CERS6: variants seen among roughly 807,000 people sequenced by gnomAD.
CERS6 encodes the protein LAG1 homolog, ceramide synthase 6.
A neutral mutation model predicts 56.8 loss-of-function variants in CERS6; 26 were observed. The observed-to-expected ratio is 0.46, with a 90% CI of 0.34 to 0.63. CERS6 has a LOEUF of 0.63. Among genes scored for constraint, CERS6 ranks in the 30% least tolerant of loss-of-function variants. CERS6 has a pLI of 0.01. For missense variants in CERS6, 415 were observed against 467.5 expected, an observed-to-expected ratio of 0.89 and a Z score of 1.04; for synonymous variants, 164 against 173.3, an observed-to-expected ratio of 0.95 and a Z score of 0.42.
At chr2:168,516,115 C>T (rs150708778) in intron 1 of CERS6, among the ~76,000 whole-genome samples, 16 of 152,288 alleles carry the variant, frequency 1.1e-4, no homozygotes, top group African/African-American at 3.1e-4. Flanking sequence ...AAACCACTTA[C>T]ATTTTCCTTG....
chr2:168,456,983 A>T lies in CERS6; in HGVS notation c.170+365A>T, dbSNP rs528313689. On this transcript the variant is annotated intron_variant, in intron 1 of 9. Coordinates refer to ENST00000305747, the MANE Select transcript of CERS6 (RefSeq NM_203463.3). This position sits in a 1 kb window ranked among gnomAD's most constrained non-coding sequence, Gnocchi z 4.1. ...GCTCGCCCCTCTCCGCCGGCGCGCCACGCAAGGCTGCCAGGCAGGGCTTCC... is the reference window on the plus strand; with the variant it reads ...GCTCGCCCCTCTCCGCCGGCGCGCCTCGCAAGGCTGCCAGGCAGGGCTTCC... 6.6e-6 allele frequency among the ~76,000 whole-genome samples: 1 copy of T among 152,282 alleles called. No homozygotes were observed. The highest frequency in any genetic ancestry group is 1.9e-4 in the East Asian group (1 of 5,180).
intron 3 of CERS6, among the ~76,000 whole-genome samples, chr2:168,624,676 T>C (rs1684549917): frequency 1.3e-5 from 2 of 152,258 alleles, no homozygotes; most frequent in South Asian, 4.1e-4. Context: ...TCTATCAAAC[T>C]TGAATCCACA....
Position 168,746,775 on chromosome 2 carries a change from GTATATATA to G in CERS6, c.846-18778_846-18771del, listed in dbSNP as rs71003053. ...CCAAACTGATTTAAAAGGGTAAAGGGTATATATATATATATATATATATATATATATAT... is the reference window on the plus strand; with the variant it reads ...CCAAACTGATTTAAAAGGGTAAAGGGTATATATATATATATATATATATAT... On this transcript the variant is annotated intron_variant, in intron 8 of 9. Transcript: ENST00000305747. Among the ~76,000 whole-genome samples, 197 of 39,020 alleles carry G rather than the reference GTATATATA, an allele frequency of 5.0e-3. 2 individuals are homozygous for G. The highest frequency in any genetic ancestry group is 5.8e-3 in the African/African-American group (75 of 12,926). 25.6% of individuals were successfully genotyped at this position (39,020 alleles called of 152,430 possible). A position where few individuals can be genotyped will look rare whatever the true frequency, so the allele number is the denominator to read the frequency against.
Position 168,456,351 on chromosome 2 carries a change from C to T in CERS6, c.-98C>T, listed in dbSNP as rs1693649515. The T allele has an allele frequency of 3.4e-6, 3 of 891,420 alleles. No homozygotes were observed. The highest frequency in any genetic ancestry group is 8.4e-5 in the East Asian group (2 of 23,742). The allele number at this position is 891,420 out of a possible 1,614,324, so 55.2% of individuals were successfully genotyped here. A position where few individuals can be genotyped will look rare whatever the true frequency, so the allele number is the denominator to read the frequency against. On this transcript the variant is annotated 5_prime_UTR_variant, in exon 1 of 10. Transcript: ENST00000305747. The surrounding 1 kb of genome is among the most constrained non-coding windows in gnomAD (Gnocchi z 4.1). ...GGCGGGAGCAGCGGCGGCGGCGGCA[C>T]AGGCTCGGGGCCAGCCGGGCGCGCA...
chr2:168,625,237 G>A (rs1397692500), intron 3 of CERS6, among the ~76,000 whole-genome samples: 2 of 152,076 alleles, frequency 1.3e-5, no homozygotes, highest in African/African-American at 4.8e-5. Flanking sequence ...ATGTATCTTA[G>A]TTTTATACAC....
chr2:168,631,640 T>TATG, intron 4 of CERS6, among the ~76,000 whole-genome samples: 1 of 99,484 alleles, frequency 1.0e-5, no homozygotes, highest in Admixed American at 1.5e-4. Flanking sequence ...ATATAGCATA[T>TATG]TTTATATTTA....
intron 1 of CERS6, among the ~76,000 whole-genome samples, chr2:168,546,784 G>T (rs1695473768): frequency 6.6e-6 from 1 of 152,116 alleles, no homozygotes; most frequent in Non-Finnish European, 1.5e-5. Flanking sequence ...TGAGCATTTA[G>T]TCTAAAACAA....
chr2:168,757,213 A>T (rs1023807848), intron 8 of CERS6, among the ~76,000 whole-genome samples: 1 of 152,156 alleles, frequency 6.6e-6, no homozygotes, highest in Admixed American at 6.5e-5. Context: ...AGCATGTTGG[A>T]ATCAGGATAC....
intron 1 of CERS6, among the ~76,000 whole-genome samples, chr2:168,491,788 A>C (rs1202386429): frequency 1.3e-5 from 2 of 150,986 alleles, no homozygotes; most frequent in Non-Finnish European, 3.0e-5. Context: ...CTCACCCCCC[A>C]ACAGGCCCAG....
intron 1 of CERS6, among the ~76,000 whole-genome samples, chr2:168,516,564 G>T (rs1174661259): frequency 6.6e-6 from 1 of 152,146 alleles, no homozygotes; most frequent in East Asian, 1.9e-4. Context: ...GATAAAATGA[G>T]AAATGTTGTA....
intron 4 of CERS6, chr2:168,644,426 G>T (rs1685124400): frequency 1.2e-6 from 1 of 866,554 alleles, no homozygotes; most frequent in African/African-American, 1.8e-5. Flanking sequence ...CAAAGGTGGG[G>T]TCAAGCATTC....
chr2:168,669,211 G>T (rs779879962), intron 4 of CERS6, among the ~76,000 whole-genome samples: 1 of 152,200 alleles, frequency 6.6e-6, no homozygotes, highest in Non-Finnish European at 1.5e-5. Flanking sequence ...CTATCTTCCA[G>T]ATTATTTCCT....
chr2:168,574,414 G>A (rs182734144), intron 3 of CERS6, among the ~76,000 whole-genome samples: 2,844 of 134,712 alleles, frequency 0.021, 83 homozygotes, highest in African/African-American at 0.068. Flanking sequence ...GTGTGTGTGT[G>A]TCAAGCATTT....
chr2:168,488,412 C>T (rs1250608873), intron 1 of CERS6, among the ~76,000 whole-genome samples: 7 of 152,130 alleles, frequency 4.6e-5, no homozygotes, highest in Middle Eastern at 3.4e-3. Flanking sequence ...TATTATATGA[C>T]GTAGTTTCTT....
chr2:168,644,317 A>G, intron 4 of CERS6: 1 of 985,088 alleles, frequency 1.0e-6, no homozygotes, highest in Non-Finnish European at 1.2e-6. Flanking sequence ...GAATAATAGA[A>G]AGTGGTAAGT....
chr2:168,728,387 CTT>C lies in CERS6; in HGVS notation c.845+10428_845+10429del, dbSNP rs397872513. ...AGGGGAAAAAAAAAATGCAACTACT[CTT>C]TTTTTTTTTTTTTTTTTTGAGATGG... On this transcript the variant is annotated intron_variant, in intron 8 of 9. Transcript: ENST00000305747. 4.6e-3 allele frequency among the ~76,000 whole-genome samples: 450 copies of C among 97,534 alleles called. 5 individuals carry two copies. Among genetic ancestry groups the C allele is most frequent in the South Asian group, 0.018 (50 of 2,796 alleles). The allele number at this position is 97,534 out of a possible 152,430, so 64.0% of individuals were successfully genotyped here.
chr2:168,677,810 G>C (rs1224016124), intron 4 of CERS6, among the ~76,000 whole-genome samples: 1 of 152,108 alleles, frequency 6.6e-6, no homozygotes, highest in Non-Finnish European at 1.5e-5. Context: ...TGTCTTTATA[G>C]TGGAATGATT....
intron 1 of CERS6, among the ~76,000 whole-genome samples, chr2:168,512,717 G>A (rs1298792807): frequency 6.7e-6 from 1 of 149,294 alleles, no homozygotes; most frequent in Non-Finnish European, 1.5e-5. Flanking sequence ...ACCCAGGCTG[G>A]AGTGCAATGG....
intron 1 of CERS6, among the ~76,000 whole-genome samples, chr2:168,464,698 T>TAA (rs543390356): frequency 0.027 from 3,686 of 134,350 alleles, 59 homozygotes; most frequent in South Asian, 0.059. Flanking sequence ...GAGCCTAAAT[T>TAA]AAAAAAAAAA....
Sources: allele counts gnomAD v4.1 joint callset (sites outside exome capture counted in the v4.1 genomes callset), GRCh38; gene constraint gnomAD v4.1.1; non-coding constraint Gnocchi (gnomAD v3.1); transcripts MANE v1.5; gene names NCBI Gene and HGNC (gene_info 2026-07-23, HGNC 2026-07-21).